CRISPLD2: variants seen among roughly 807,000 people sequenced by gnomAD.
CRISPLD2 encodes cysteine-rich secretory protein LCCL domain-containing 2.
Under a neutral mutation model 71.1 loss-of-function variants are expected in CRISPLD2, and 47 were observed. The ratio of observed to expected loss-of-function variants is 0.66; its 90% CI spans 0.52 to 0.84. CRISPLD2 has a LOEUF of 0.84. CRISPLD2 is among the 40% of genes least tolerant of loss of function. The probability of loss-of-function intolerance (pLI) is 0.00; values close to 1 mark genes in which losing one functional copy is unlikely to be tolerated. For missense variants in CRISPLD2, 830 were observed against 651.1 expected, an observed-to-expected ratio of 1.27 and a Z score of -2.99; for synonymous variants, 317 against 250.1, an observed-to-expected ratio of 1.27 and a Z score of -2.52.
intron 2 of CRISPLD2, among the ~76,000 whole-genome samples, chr16:84,844,655 T>A (rs12445066): frequency 4.6e-5 from 7 of 151,842 alleles, no homozygotes; most frequent in Non-Finnish European, 1.0e-4. Context: ...GAGCCACTGC[T>A]CCGGGCCCAT....
intron 13 of CRISPLD2, among the ~76,000 whole-genome samples, chr16:84,882,363 A>AG (rs1567700193): frequency 6.7e-6 from 1 of 149,290 alleles, no homozygotes; most frequent in African/African-American, 2.5e-5. Flanking sequence ...AAAAAAAAAA[A>AG]AAAAAAAAGC....
At chr16:84,893,549 G>T (rs1235687187) in intron 14 of CRISPLD2, among the ~76,000 whole-genome samples, 1 of 152,214 alleles carries the variant, frequency 6.6e-6, no homozygotes, top group Non-Finnish European at 1.5e-5. Context: ...CACAACAGCA[G>T]ACCTCTGCCG....
chr16:84,838,431 G>A lies in CRISPLD2; in HGVS notation c.-65G>A, dbSNP rs554885433. On this transcript the variant is annotated 5_prime_UTR_variant, in exon 2 of 15. Coordinates refer to ENST00000262424, the MANE Select transcript of CRISPLD2 (RefSeq NM_031476.4). Reference sequence around the variant, plus strand: ...CTCTGCTTCCTTTCAGAGCTCAAGCGCCCAGCTCTGCCCGAGGAGCCCAGG... The same window carrying A: ...CTCTGCTTCCTTTCAGAGCTCAAGCACCCAGCTCTGCCCGAGGAGCCCAGG... The A allele has an allele frequency of 9.9e-5, 156 of 1,567,964 alleles. No individual in the cohort carries two copies. The highest frequency in any genetic ancestry group is 5.8e-4 in the East Asian group (26 of 44,464).
intron 13 of CRISPLD2, among the ~76,000 whole-genome samples, chr16:84,881,198 C>A (rs1199965799): frequency 6.6e-6 from 1 of 152,206 alleles, no homozygotes; most frequent in African/African-American, 2.4e-5. Context: ...ATTTAGTCAT[C>A]TTCCCAGCTC....
At chr16:84,825,585 G>A (rs551847331) in intron 1 of CRISPLD2, among the ~76,000 whole-genome samples, 2 of 151,914 alleles carry the variant, frequency 1.3e-5, no homozygotes, top group Admixed American at 1.3e-4. Flanking sequence ...GCAAAACCTT[G>A]TTTCTACTGG....
At chr16:84,826,616 C>T (rs1019834178) in intron 1 of CRISPLD2, among the ~76,000 whole-genome samples, 6 of 152,246 alleles carry the variant, frequency 3.9e-5, no homozygotes, top group South Asian at 2.1e-4. Context: ...AGGGAAGACA[C>T]GGTTTATTCC....
At chr16:84,858,560 A>G (rs1206256627) in intron 6 of CRISPLD2, among the ~76,000 whole-genome samples, 3 of 152,232 alleles carry the variant, frequency 2.0e-5, no homozygotes, top group Admixed American at 6.5e-5. Flanking sequence ...TGTCTCACCA[A>G]TAAGTCCAAC....
intron 3 of CRISPLD2, among the ~76,000 whole-genome samples, chr16:84,847,054 G>A (rs554583549): frequency 6.6e-6 from 1 of 152,242 alleles, no homozygotes; most frequent in Non-Finnish European, 1.5e-5. Flanking sequence ...CCATGCCCAA[G>A]GCCAGAATTC....
chr16:84,876,894 G>C (rs2244450), intron 11 of CRISPLD2, among the ~76,000 whole-genome samples: 121,366 of 152,234 alleles, frequency 0.8, 48,941 homozygotes, highest in East Asian at 0.97. Context: ...TTCCTTACCT[G>C]TGTTGTTTAA....
chr16:84,869,527 G>A (rs867759022), intron 8 of CRISPLD2, among the ~76,000 whole-genome samples: 23 of 152,244 alleles, frequency 1.5e-4, no homozygotes, highest in African/African-American at 5.3e-4. Context: ...TCACTTAGAC[G>A]TTGGCAGGAC....
intron 2 of CRISPLD2, among the ~76,000 whole-genome samples, chr16:84,840,179 G>A (rs191132243): frequency 2.2e-4 from 34 of 152,280 alleles, no homozygotes; most frequent in East Asian, 2.1e-3. Context: ...CTGTGGTCAC[G>A]TTCCTTTGCC....
rs1031686512 is a variant in CRISPLD2 at position 84,854,618 on chromosome 16, C to A, written c.609-111C>A. On this transcript the variant is annotated intron_variant, in intron 5 of 14. Transcript: ENST00000262424. ...TTCCCACAGCACACAACCTTCCCCCCTGACCTGTCAGTGGCGGTGTTCAGG... is the reference window on the plus strand; with the variant it reads ...TTCCCACAGCACACAACCTTCCCCCATGACCTGTCAGTGGCGGTGTTCAGG... 1.9e-5 allele frequency: 15 copies of A among 774,534 alleles called. No homozygotes were observed. In the East Asian group the frequency reaches 2.2e-4, roughly 11 times the overall value. The allele number at this position is 774,534 out of a possible 1,614,324, so 48.0% of individuals were successfully genotyped here.
chr16:84,886,139 C>T (rs1304161079), intron 13 of CRISPLD2, among the ~76,000 whole-genome samples: 1 of 152,126 alleles, frequency 6.6e-6, no homozygotes, highest in African/African-American at 2.4e-5. Context: ...ATCTGCCCAC[C>T]TCGGCCTCCC....
At chr16:84,895,615 A>C (rs1297302552) in intron 14 of CRISPLD2, among the ~76,000 whole-genome samples, 1 of 152,090 alleles carries the variant, frequency 6.6e-6, no homozygotes, top group Non-Finnish European at 1.5e-5. Flanking sequence ...AAGAATAATG[A>C]TATATTTCAT....
chr16:84,860,707 C>G (rs1587273), intron 6 of CRISPLD2, among the ~76,000 whole-genome samples: 4,349 of 152,228 alleles, frequency 0.029, 189 homozygotes, highest in African/African-American at 0.099. Flanking sequence ...GCAGGGTCCT[C>G]CCACACTTCC....
chr16:84,863,712 G>A (rs900745419), intron 6 of CRISPLD2, among the ~76,000 whole-genome samples: 1 of 152,210 alleles, frequency 6.6e-6, no homozygotes, highest in Non-Finnish European at 1.5e-5. Flanking sequence ...GCTCATGCCT[G>A]TAATCCCAAC....
intron 14 of CRISPLD2, among the ~76,000 whole-genome samples, chr16:84,899,238 A>G (rs2071732423): frequency 6.6e-6 from 1 of 152,144 alleles, no homozygotes; most frequent in Non-Finnish European, 1.5e-5. Context: ...GCTCTTTATG[A>G]AAGTTGCTTG....
At chr16:84,888,679 G>T (rs532085232) in intron 13 of CRISPLD2, among the ~76,000 whole-genome samples, 12 of 152,282 alleles carry the variant, frequency 7.9e-5, no homozygotes, top group African/African-American at 2.9e-4. Context: ...TCTGTTTCTT[G>T]GATATGATGA....
chr16:84,871,274 G>C (rs537312885), intron 8 of CRISPLD2, among the ~76,000 whole-genome samples: 2 of 152,192 alleles, frequency 1.3e-5, no homozygotes, highest in Admixed American at 6.5e-5. Context: ...AATCCTTGCA[G>C]GCCAGGCATG....
Sources: gnomAD v4.1 joint callset for allele counts (sites outside exome capture counted in the v4.1 genomes callset) on GRCh38, gnomAD v4.1.1 for gene constraint, MANE v1.5 for transcripts, NCBI Gene and HGNC (gene_info 2026-07-23, HGNC 2026-07-21) for gene names.